The following WDR49 variants were observed in gnomAD, a reference collection of about 807,000 sequenced individuals.
WDR49 encodes cilia- and flagella-associated protein 337.
In WDR49, 107 loss-of-function variants were observed where a neutral mutation model predicts 119.5. That is an observed-to-expected ratio of 0.90 (90% CI 0.77 to 1.05). The LOEUF (loss-of-function observed/expected upper bound fraction) is 1.05. Among genes scored for constraint, WDR49 ranks in the 50% least tolerant of loss-of-function variants. The probability of loss-of-function intolerance (pLI) is 0.00; values close to 1 mark genes in which losing one functional copy is unlikely to be tolerated. For synonymous variants in WDR49, 425 were observed against 418.8 expected (o/e 1.01, Z -0.18); for missense variants, 1,240 against 1,220.5 (o/e 1.02, Z -0.24).
chr3:167,521,570 T>A (rs1366406661), intron 16 of WDR49, among the ~76,000 whole-genome samples: 1 of 152,188 alleles, frequency 6.6e-6, no homozygotes, highest in East Asian at 1.9e-4. Context: ...TATTTTCTTG[T>A]CAGCTCTGAG....
chr3:167,562,204 A>T (rs1367891063), intron 8 of WDR49, among the ~76,000 whole-genome samples: 1 of 152,174 alleles, frequency 6.6e-6, no homozygotes, highest in Non-Finnish European at 1.5e-5. Context: ...AGAGTAATAC[A>T]GTGTTTTTTG....
chr3:167,619,511 A>AAATTCTT (rs1716762389), intron 5 of WDR49, among the ~76,000 whole-genome samples: 1 of 152,164 alleles, frequency 6.6e-6, no homozygotes. Context: ...CTCACATAGG[A>AAATTCTT]AATTCTTACT....
At chr3:167,529,315 T>C in intron 13 of WDR49, 76 bp from the exon 14 acceptor site, 1 of 1,354,384 alleles carries the variant, frequency 7.4e-7, no homozygotes, top group Non-Finnish European at 1.0e-6. Flanking sequence ...TGGCTTTCCC[T>C]GTGGAAAGCA....
At chr3:167,653,055 C>G (rs898026403) in intron 2 of WDR49, among the ~76,000 whole-genome samples, 54 of 152,044 alleles carry the variant, frequency 3.6e-4, no homozygotes, top group Non-Finnish European at 6.8e-4. Context: ...CAATTTCAAA[C>G]TAAAGAATAT....
chr3:167,559,541 T>C (rs938590982), intron 9 of WDR49, among the ~76,000 whole-genome samples: 62 of 152,300 alleles, frequency 4.1e-4, no homozygotes, highest in Admixed American at 9.8e-4. Flanking sequence ...ATCATGTAAG[T>C]TTAGAATGGA....
At chr3:167,593,559 T>A (rs1184073208) in intron 7 of WDR49, among the ~76,000 whole-genome samples, 6 of 152,104 alleles carry the variant, frequency 3.9e-5, no homozygotes, top group Non-Finnish European at 7.4e-5. Flanking sequence ...TATTTTGAAT[T>A]CTCCATCTGA....
At chr3:167,514,669 A>ACACC (rs1560261286) in intron 16 of WDR49, among the ~76,000 whole-genome samples, 6 of 138,454 alleles carry the variant, frequency 4.3e-5, no homozygotes, top group African/African-American at 1.5e-4. Flanking sequence ...ACACACACAC[A>ACACC]CCCTTCAAAA....
At chr3:167,528,148 G>A (rs1011459478) in intron 14 of WDR49, 131 bp from the exon 15 acceptor site, 20 of 674,950 alleles carry the variant, frequency 3.0e-5, no homozygotes, top group Non-Finnish European at 4.6e-5. Context: ...CAAAAGAAAA[G>A]TTCATGATAA....
intron 16 of WDR49, among the ~76,000 whole-genome samples, chr3:167,520,149 A>G (rs1752384261): frequency 6.6e-6 from 1 of 151,546 alleles, no homozygotes; most frequent in Admixed American, 6.6e-5. Context: ...TGGGAGGCTG[A>G]GGTGGGAGGA....
chr3:167,537,962 T>C (rs1711564450), intron 10 of WDR49, among the ~76,000 whole-genome samples: 2 of 152,126 alleles, frequency 1.3e-5, no homozygotes, highest in Admixed American at 6.6e-5. Flanking sequence ...TTCCAGTATG[T>C]TCTGCTTCTC....
At chr3:167,505,779 T>C (rs1443598440) in intron 16 of WDR49, among the ~76,000 whole-genome samples, 1 of 152,202 alleles carries the variant, frequency 6.6e-6, no homozygotes, top group African/African-American at 2.4e-5. Flanking sequence ...ATCAATCCTT[T>C]GTGTCAAAGC....
intron 8 of WDR49, among the ~76,000 whole-genome samples, chr3:167,570,590 C>T (rs1452895202): frequency 6.6e-6 from 1 of 152,072 alleles, no homozygotes. Context: ...GAAAAGTTTA[C>T]TATAAAATTT....
intron 3 of WDR49, among the ~76,000 whole-genome samples, chr3:167,624,590 A>AAAATATACTG (rs1717037536): frequency 6.6e-6 from 1 of 151,976 alleles, no homozygotes; most frequent in Non-Finnish European, 1.5e-5. Flanking sequence ...TCAGCTTGGG[A>AAAATATACTG]CACTTTCATA....
chr3:167,599,895 T>C (rs1715674300), intron 7 of WDR49, among the ~76,000 whole-genome samples: 1 of 152,206 alleles, frequency 6.6e-6, no homozygotes, highest in Non-Finnish European at 1.5e-5. Flanking sequence ...TTCCATGGTG[T>C]ACTATCTGGC....
intron 10 of WDR49, among the ~76,000 whole-genome samples, chr3:167,552,578 A>T (rs1712638880): frequency 6.6e-6 from 1 of 152,048 alleles, no homozygotes; most frequent in South Asian, 2.1e-4. Flanking sequence ...TTTGGAAAGG[A>T]GATAAATAAT....
intron 7 of WDR49, among the ~76,000 whole-genome samples, chr3:167,582,791 A>T (rs1406619080): frequency 1.3e-5 from 2 of 152,112 alleles, no homozygotes; most frequent in African/African-American, 4.8e-5. Flanking sequence ...TACTAAAACT[A>T]CAAAAAAGTA....
chr3:167,616,644 AAAG>A (rs1285917797), intron 5 of WDR49, among the ~76,000 whole-genome samples: 15 of 152,106 alleles, frequency 9.9e-5, no homozygotes, highest in Admixed American at 7.2e-4. Context: ...AGAGAGAGAG[AAAG>A]AAGAAAGAAA....
chr3:167,495,874 T>C (rs754604245), intron 18 of WDR49, among the ~76,000 whole-genome samples: 5 of 39,366 alleles, frequency 1.3e-4, no homozygotes, highest in Non-Finnish European at 2.0e-4. Context: ...AAGTTAACTT[T>C]AAAAATTTGA....
intron 5 of WDR49, among the ~76,000 whole-genome samples, chr3:167,608,292 T>C (rs1315100157): frequency 6.6e-6 from 1 of 152,130 alleles, no homozygotes. Flanking sequence ...TGCATGGAAA[T>C]CCCATAATAT....
Sources: gnomAD v4.1 joint callset for allele counts (sites outside exome capture counted in the v4.1 genomes callset) on GRCh38, gnomAD v4.1.1 for gene constraint, MANE v1.5 for transcripts, NCBI Gene and HGNC (gene_info 2026-07-23, HGNC 2026-07-21) for gene names.